The following NDST3 variants were observed in gnomAD, a reference collection of about 807,000 sequenced individuals.
NDST3 encodes bifunctional heparan sulfate N-deacetylase/N-sulfotransferase 3.
NDST3 carries 58 observed loss-of-function variants against 96.1 expected under a neutral mutation model. The observed-to-expected ratio is 0.60, with a 90% confidence interval of 0.49 to 0.75. The LOEUF is 0.75. NDST3 is among the 30% of genes least tolerant of loss of function. The pLI, the probability that NDST3 is intolerant of heterozygous loss-of-function variation, is 0.00. For missense variants in NDST3, 788 were observed against 1,034.2 expected (o/e 0.76, Z 3.27); for synonymous variants, 333 against 359.7 (o/e 0.93, Z 0.84).
At chr4:118,151,170 A>T (rs1734366748) in intron 6 of NDST3, among the ~76,000 whole-genome samples, 1 of 152,302 alleles carries the variant, frequency 6.6e-6, no homozygotes, top group South Asian at 2.1e-4. Context: ...TCTCACTCAT[A>T]GGTGGGAACT....
chr4:118,077,866 G>A (rs1182679605), intron 2 of NDST3, among the ~76,000 whole-genome samples: 1 of 152,178 alleles, frequency 6.6e-6, no homozygotes, highest in Non-Finnish European at 1.5e-5. Context: ...GCAGTCTGCT[G>A]GGCTGTAAGC....
At chr4:118,104,420 G>T (rs1560645522) in intron 2 of NDST3, among the ~76,000 whole-genome samples, 2 of 152,056 alleles carry the variant, frequency 1.3e-5, no homozygotes, top group Admixed American at 6.6e-5. Context: ...TATTTTATAG[G>T]ATATAACAAT....
At chr4:118,253,643 G>C (rs779309557) in intron 13 of NDST3, 42 bp downstream of exon 13, 1 of 1,321,216 alleles carries the variant, frequency 7.6e-7, no homozygotes, top group Non-Finnish European at 1.1e-6. Context: ...TCAGCAAAAT[G>C]GTAACCAATA....
chr4:118,058,594 AGTGTGTGTGTGT>A (rs59628763), intron 2 of NDST3, among the ~76,000 whole-genome samples: 24 of 81,050 alleles, frequency 3.0e-4, no homozygotes, highest in African/African-American at 7.4e-4. Context: ...AGTCAGGAAA[AGTGTGTGTGTGT>A]GTGTGTGTGT....
chr4:118,173,134 ATG>A (rs35139409), intron 6 of NDST3, among the ~76,000 whole-genome samples: 77,320 of 148,132 alleles, frequency 0.52, 23,565 homozygotes, highest in East Asian at 0.73. Flanking sequence ...AGGCATATAT[ATG>A]TGTGTGTGTG....
chr4:118,066,093 TATATATTATATAATATATTTTATATATTA>T (rs1303918780), intron 2 of NDST3, among the ~76,000 whole-genome samples: 1 of 44,482 alleles, frequency 2.2e-5, no homozygotes, highest in Non-Finnish European at 6.4e-5. Flanking sequence ...TTATATATTA[TATATATTATATAATATATTTTATATATTA>T]TATATATTAT....
chr4:118,252,720 G>A (rs867516905), intron 12 of NDST3, among the ~76,000 whole-genome samples: 12 of 152,084 alleles, frequency 7.9e-5, no homozygotes, highest in South Asian at 2.1e-4. Flanking sequence ...GAGAAACTCC[G>A]TCTCTACTAA....
chr4:118,106,711 A>G (rs1407239969), intron 3 of NDST3, among the ~76,000 whole-genome samples: 2 of 151,978 alleles, frequency 1.3e-5, no homozygotes, highest in African/African-American at 4.8e-5. Flanking sequence ...GGATAACTTG[A>G]GCTCAGGAGG....
intron 3 of NDST3, among the ~76,000 whole-genome samples, chr4:118,113,403 C>CAT (rs1560652199): frequency 6.6e-6 from 1 of 152,088 alleles, no homozygotes; most frequent in African/African-American, 2.4e-5. Flanking sequence ...CTTAAGCATG[C>CAT]GAAAGTGAAA....
intron 6 of NDST3, among the ~76,000 whole-genome samples, chr4:118,149,988 G>T (rs1327555948): frequency 6.6e-6 from 1 of 150,824 alleles, no homozygotes; most frequent in Non-Finnish European, 1.5e-5. Context: ...TTTGTCAAAG[G>T]CCTTTTCTGC....
At chr4:118,158,505 T>C (rs1734860553) in intron 6 of NDST3, among the ~76,000 whole-genome samples, 1 of 152,214 alleles carries the variant, frequency 6.6e-6, no homozygotes, top group African/African-American at 2.4e-5. Flanking sequence ...TGCCAGCTGA[T>C]GAATTCAGGT....
At chr4:118,174,267 A>G (rs1215546079) in intron 6 of NDST3, among the ~76,000 whole-genome samples, 2 of 152,190 alleles carry the variant, frequency 1.3e-5, no homozygotes, top group Non-Finnish European at 2.9e-5. Context: ...ACTTGATATG[A>G]AAAATCATAT....
Position 118,047,122 on chromosome 4 carries a change from C to T in NDST3, c.-155-6634C>T, listed in dbSNP as rs182020059. Among the ~76,000 whole-genome samples, 458 of 152,308 alleles carry T rather than the reference C, an allele frequency of 3.0e-3. 3 individuals are homozygous for T. Among genetic ancestry groups the T allele is most frequent in the African/African-American group, 0.01 (426 of 41,566 alleles). Reference sequence around the variant, plus strand: ...TACTCTTCAGCATCATCTACTGGATCCCAGCCCAAACTACCACGCCAAAAA... The same window carrying T: ...TACTCTTCAGCATCATCTACTGGATTCCAGCCCAAACTACCACGCCAAAAA... On this transcript the variant is annotated intron_variant, in intron 1 of 13. Coordinates refer to ENST00000296499, the MANE Select transcript of NDST3 (RefSeq NM_004784.3).
intron 6 of NDST3, among the ~76,000 whole-genome samples, chr4:118,217,867 C>A (rs1187015873): frequency 6.6e-6 from 1 of 152,040 alleles, no homozygotes. Flanking sequence ...GGAGATATCA[C>A]CACTGACCCC....
intron 6 of NDST3, among the ~76,000 whole-genome samples, chr4:118,173,695 A>T (rs564716977): frequency 6.6e-6 from 1 of 152,186 alleles, no homozygotes; most frequent in Non-Finnish European, 1.5e-5. Flanking sequence ...TTTTCCATAT[A>T]CTCTGTATGT....
intron 6 of NDST3, among the ~76,000 whole-genome samples, chr4:118,190,151 T>C (rs1737215243): frequency 6.6e-6 from 1 of 152,046 alleles, no homozygotes; most frequent in Non-Finnish European, 1.5e-5. Context: ...TAATTATATA[T>C]AAACTCTAAT....
chr4:118,066,186 ATCTT>A (rs1560617748), intron 2 of NDST3, among the ~76,000 whole-genome samples: 5 of 72,134 alleles, frequency 6.9e-5, no homozygotes, highest in African/African-American at 1.9e-4. Flanking sequence ...TATATTATAT[ATCTT>A]ATATATTATA....
chr4:118,094,610 T>G (rs1578626239), intron 2 of NDST3, among the ~76,000 whole-genome samples: 1 of 151,852 alleles, frequency 6.6e-6, no homozygotes, highest in East Asian at 1.9e-4. Context: ...AAATTTTCAG[T>G]CAAATATTAT....
chr4:118,125,991 C>T (rs1037298433), intron 4 of NDST3, among the ~76,000 whole-genome samples: 2 of 151,978 alleles, frequency 1.3e-5, no homozygotes, highest in Non-Finnish European at 2.9e-5. Flanking sequence ...AACATCCATA[C>T]CATTTCTTAC....
Sources: allele counts gnomAD v4.1 joint callset (sites outside exome capture counted in the v4.1 genomes callset), GRCh38; gene constraint gnomAD v4.1.1; transcripts MANE v1.5; gene names NCBI Gene and HGNC (gene_info 2026-07-23, HGNC 2026-07-21).